KCNH5: variants seen among roughly 807,000 people sequenced by gnomAD.
KCNH5 encodes the protein potassium voltage-gated channel subfamily H member 5, also known as voltage-gated delayed rectifier potassium channel KCNH5.
Under a neutral mutation model 96.1 loss-of-function variants are expected in KCNH5, and 46 were observed. That is an observed-to-expected ratio of 0.48 (90% CI 0.38 to 0.61). The LOEUF (loss-of-function observed/expected upper bound fraction) is 0.61, where lower values mean the gene tolerates loss of function less well. KCNH5 is among the 20% of genes least tolerant of loss of function. The probability of loss-of-function intolerance (pLI) is 0.00; values close to 1 mark genes in which losing one functional copy is unlikely to be tolerated. For synonymous variants in KCNH5, 439 were observed against 449.8 expected (o/e 0.98, Z 0.30); for missense variants, 907 against 1,225.8 (o/e 0.74, Z 3.88).
At chr14:62,803,147 T>C (rs1354833521) in intron 8 of KCNH5, among the ~76,000 whole-genome samples, 1 of 152,156 alleles carries the variant, frequency 6.6e-6, no homozygotes, top group African/African-American at 2.4e-5. Flanking sequence ...CAAGACCTTA[T>C]CTCAAAACAA....
At chr14:62,878,887 T>C (rs1192689313) in intron 7 of KCNH5, among the ~76,000 whole-genome samples, 4 of 152,170 alleles carry the variant, frequency 2.6e-5, no homozygotes, top group Non-Finnish European at 5.9e-5. Flanking sequence ...TTTCCTCTTA[T>C]TGTAAGGATA....
intron 9 of KCNH5, among the ~76,000 whole-genome samples, chr14:62,787,436 C>T (rs749720728): frequency 2.6e-5 from 4 of 152,106 alleles, no homozygotes; most frequent in Admixed American, 2.6e-4. Flanking sequence ...GAACCATCTC[C>T]ACAACATAAA....
At position 62,816,129 on chromosome 14, in the gene KCNH5, C is replaced by T. The variant is rs1344466844; in HGVS notation, c.1570-13548G>A. On this transcript the variant is annotated intron_variant, in intron 8 of 10. Coordinates refer to ENST00000322893, the MANE Select transcript of KCNH5 (RefSeq NM_139318.5). ...TTTAAATCAAGTATATATAAAATAA[C>T]AGCTACAAAGTTATCTTGAAAAGAT... Among the ~76,000 whole-genome samples the T allele has an allele frequency of 2.0e-5, 3 of 151,826 alleles. No homozygotes were observed. In the East Asian group the frequency reaches 5.8e-4, roughly 29 times the overall value.
At chr14:63,045,064 C>T (rs1277264915) in intron 1 of KCNH5, 50 bp downstream of exon 1, 6 of 1,384,564 alleles carry the variant, frequency 4.3e-6, no homozygotes, top group Admixed American at 3.4e-5. Context: ...ATGGGGGGCG[C>T]GTGTGGGCGG....
At chr14:62,965,121 G>A (rs536198492) in intron 6 of KCNH5, among the ~76,000 whole-genome samples, 11 of 152,186 alleles carry the variant, frequency 7.2e-5, no homozygotes, top group African/African-American at 2.4e-4. Context: ...TCAAGTAAGG[G>A]ATTTGTTTTT....
At chr14:62,774,621 G>A (rs17256667) in intron 10 of KCNH5, among the ~76,000 whole-genome samples, 5,999 of 152,240 alleles carry the variant, frequency 0.039, 169 homozygotes, top group Middle Eastern at 0.1. Context: ...TTTCTTTGAT[G>A]TATACCTAAG....
chr14:62,723,030 C>T (rs994438209), intron 10 of KCNH5, among the ~76,000 whole-genome samples: 1 of 152,160 alleles, frequency 6.6e-6, no homozygotes, highest in Non-Finnish European at 1.5e-5. Context: ...ATTCCATTGT[C>T]CCCAGAAACA....
At chr14:62,955,315 T>C (rs1014717425) in intron 6 of KCNH5, among the ~76,000 whole-genome samples, 1 of 152,190 alleles carries the variant, frequency 6.6e-6, no homozygotes, top group Non-Finnish European at 1.5e-5. Flanking sequence ...TTCTATGCAG[T>C]TAACCAACAG....
intron 7 of KCNH5, among the ~76,000 whole-genome samples, chr14:62,876,110 T>C (rs1888367453): frequency 2.0e-5 from 3 of 152,144 alleles, no homozygotes; most frequent in African/African-American, 7.2e-5. Flanking sequence ...GAGGTTGCAG[T>C]GAGTCGAGAT....
At chr14:62,929,030 G>T (rs1889529888) in intron 7 of KCNH5, among the ~76,000 whole-genome samples, 1 of 151,954 alleles carries the variant, frequency 6.6e-6, no homozygotes, top group South Asian at 2.1e-4. Flanking sequence ...CGAGACATAT[G>T]TACTTACGTG....
At chr14:62,822,969 G>A (rs171458) in intron 8 of KCNH5, among the ~76,000 whole-genome samples, 11 of 151,988 alleles carry the variant, frequency 7.2e-5, no homozygotes, top group Non-Finnish European at 1.5e-4. Flanking sequence ...TCTGGATACC[G>A]AAATAATAAA....
At chr14:62,863,903 G>T (rs1888084257) in intron 7 of KCNH5, among the ~76,000 whole-genome samples, 1 of 152,038 alleles carries the variant, frequency 6.6e-6, no homozygotes, top group Non-Finnish European at 1.5e-5. Flanking sequence ...GAATGTGAGG[G>T]TGAATGATTT....
At chr14:62,783,957 CTT>C (rs1451205467) in intron 9 of KCNH5, among the ~76,000 whole-genome samples, 1 of 150,848 alleles carries the variant, frequency 6.6e-6, no homozygotes, top group Non-Finnish European at 1.5e-5. Context: ...AGAAAATTCT[CTT>C]GATAGAACCA....
intron 10 of KCNH5, among the ~76,000 whole-genome samples, chr14:62,727,675 A>G (rs185902407): frequency 4.0e-4 from 61 of 152,010 alleles, no homozygotes; most frequent in Admixed American, 1.4e-3. Flanking sequence ...TCAGTGTATT[A>G]TAATTCATCA....
intron 8 of KCNH5, among the ~76,000 whole-genome samples, chr14:62,844,175 C>T (rs1887645625): frequency 3.3e-5 from 5 of 151,346 alleles, no homozygotes; most frequent in Admixed American, 2.6e-4. Context: ...TATTATAAAA[C>T]ATATGAAACA....
At chr14:62,990,767 T>C (rs2139579071) in intron 4 of KCNH5, among the ~76,000 whole-genome samples, 1 of 152,114 alleles carries the variant, frequency 6.6e-6, no homozygotes, top group South Asian at 2.1e-4. Context: ...CTGGGTAACA[T>C]ATGAAGGAAA....
chr14:62,865,265 G>A (rs575617561), intron 7 of KCNH5, among the ~76,000 whole-genome samples: 2 of 151,508 alleles, frequency 1.3e-5, no homozygotes, highest in East Asian at 3.9e-4. Context: ...TGTTCCGTGG[G>A]TCTTAAAGCA....
intron 7 of KCNH5, among the ~76,000 whole-genome samples, chr14:62,939,774 C>A (rs1889753499): frequency 6.6e-6 from 1 of 152,064 alleles, no homozygotes; most frequent in Admixed American, 6.6e-5. Flanking sequence ...ACCCCCAACT[C>A]TACTAAAATT....
chr14:63,030,257 G>A (rs1021796475), intron 1 of KCNH5, among the ~76,000 whole-genome samples: 12 of 152,268 alleles, frequency 7.9e-5, no homozygotes, highest in African/African-American at 2.6e-4. Context: ...CACACAATAT[G>A]GTCCTGAATG....
Sources: allele counts gnomAD v4.1 joint callset (sites outside exome capture counted in the v4.1 genomes callset), GRCh38; gene constraint gnomAD v4.1.1; transcripts MANE v1.5; gene names NCBI Gene and HGNC (gene_info 2026-07-23, HGNC 2026-07-21).